Variants in ANKRD7 observed in about 807,000 individuals in gnomAD.
ANKRD7 encodes ankyrin repeat domain 7.
A neutral mutation model predicts 30.8 loss-of-function variants in ANKRD7; 30 were observed. That is an observed-to-expected ratio of 0.97 (90% CI 0.73 to 1.32). The LOEUF (loss-of-function observed/expected upper bound fraction) is 1.32, where lower values mean the gene tolerates loss of function less well. Among genes scored for constraint, ANKRD7 ranks in the 40% most tolerant of loss-of-function variants. The pLI is 0.00. For missense variants in ANKRD7, 264 were observed against 295.7 expected, an observed-to-expected ratio of 0.89 and a Z score of 0.79; for synonymous variants, 97 against 106.6, an observed-to-expected ratio of 0.91 and a Z score of 0.55.
intron 1 of ANKRD7, among the ~76,000 whole-genome samples, chr7:118,230,633 CGTGTGTGT>C (rs530818411): frequency 1.3e-4 from 19 of 147,980 alleles, no homozygotes; most frequent in Admixed American, 1.1e-3. Context: ...TCTGTTTGAA[CGTGTGTGT>C]GTGTGTGTGT....
rs771614651 is a variant in ANKRD7 at position 118,234,541 on chromosome 7, T to C, written c.290T>C (p.Ile97Thr). The change falls in exon 2 of 7, where the codon ATT (isoleucine) becomes ACT (threonine). Residue 97 changes from isoleucine (I) to threonine (T), a missense_variant. Coordinates refer to ENST00000265224, the MANE Select transcript of ANKRD7 (RefSeq NM_019644.4). ...GATAGTGAAAACAAATCCCCATTGA[T>C]TAAGGTATGCCATAGTTTTTCTTTT... is the stretch of plus-strand genomic sequence containing the variant. ...VRDSENKSPL[I>T]KAVQCQNEDC... 6.2e-7 allele frequency: 1 copy of C among 1,605,838 alleles called. No individual in the cohort carries two copies. The highest frequency in any genetic ancestry group is 8.5e-7 in the Non-Finnish European group (1 of 1,176,626).
chr7:118,235,472 C>T (rs910712988), intron 3 of ANKRD7, among the ~76,000 whole-genome samples: 6 of 151,916 alleles, frequency 3.9e-5, no homozygotes, highest in African/African-American at 1.2e-4. Flanking sequence ...ATTAGCTGGT[C>T]GTCGTGGTAG....
chr7:118,230,039 A>G (rs1331260258), intron 1 of ANKRD7, among the ~76,000 whole-genome samples: 1 of 152,106 alleles, frequency 6.6e-6, no homozygotes, highest in Non-Finnish European at 1.5e-5. Flanking sequence ...TCAAAATAAT[A>G]AGGGACATCT....
Position 118,239,975 on chromosome 7 carries a change from G to A in ANKRD7, c.*14G>A. On this transcript the variant is annotated 3_prime_UTR_variant, in exon 6 of 7. Transcript: ENST00000265224. ...CATGCTAAATAGACACCTTATTCTT[G>A]GCACTACATGTGACTAAAGGAAGGT... 6.4e-7 allele frequency: 1 copy of A among 1,568,002 alleles called. No individual in the cohort carries two copies. The highest frequency in any genetic ancestry group is 8.7e-7 in the Non-Finnish European group (1 of 1,152,400).
chr7:118,235,426 C>T (rs959316004), intron 3 of ANKRD7, among the ~76,000 whole-genome samples: 5 of 151,876 alleles, frequency 3.3e-5, no homozygotes, highest in Non-Finnish European at 7.4e-5. Context: ...TCCTGGCTAA[C>T]GTGGTGAAAC....
intron 6 of ANKRD7, among the ~76,000 whole-genome samples, chr7:118,241,027 G>A (rs1194368916): frequency 2.0e-5 from 3 of 149,866 alleles, no homozygotes; most frequent in South Asian, 4.2e-4. Context: ...GGTGGCGGGC[G>A]CCTGTAGTCC....
chr7:118,230,712 T>C, intron 1 of ANKRD7, among the ~76,000 whole-genome samples: 1 of 151,854 alleles, frequency 6.6e-6, no homozygotes, highest in African/African-American at 2.4e-5. Flanking sequence ...GACATATACT[T>C]AAATTGCTAT....
At chr7:118,240,830 A>G (rs1046344087) in intron 6 of ANKRD7, among the ~76,000 whole-genome samples, 1 of 152,158 alleles carries the variant, frequency 6.6e-6, no homozygotes, top group East Asian at 1.9e-4. Context: ...TGCATCAACT[A>G]AAATAAAATT....
chr7:118,225,106 A>T, intron 1 of ANKRD7, 97 bp downstream of exon 1: 1 of 1,359,296 alleles, frequency 7.4e-7, no homozygotes, highest in Non-Finnish European at 1.0e-6. Flanking sequence ...ACTGATTGTC[A>T]CTCCGGGTTT....
intron 1 of ANKRD7, among the ~76,000 whole-genome samples, chr7:118,226,097 G>T (rs1809535671): frequency 6.6e-6 from 1 of 152,148 alleles, no homozygotes. Flanking sequence ...ATTTAAAAGA[G>T]ACTTTGAGAA....
At chr7:118,231,592 T>G (rs546647607) in intron 1 of ANKRD7, among the ~76,000 whole-genome samples, 8 of 152,104 alleles carry the variant, frequency 5.3e-5, no homozygotes, top group Admixed American at 2.6e-4. Context: ...CATCATGAGA[T>G]TCAATTGAAG....
intron 4 of ANKRD7, 31 bp from the exon 5 acceptor site, chr7:118,236,751 GATCTTTAC>G: frequency 6.3e-7 from 1 of 1,589,604 alleles, no homozygotes; most frequent in Non-Finnish European, 8.6e-7. Flanking sequence ...GCATGTTTAA[GATCTTTAC>G]ATGGGCATTC....
chr7:118,234,254 C>G (rs10267938), intron 1 of ANKRD7, among the ~76,000 whole-genome samples, 177 bp from the exon 2 acceptor site: 1 of 151,956 alleles, frequency 6.6e-6, no homozygotes, highest in South Asian at 2.1e-4. Context: ...AACACACTTG[C>G]GCAGCCCTGA....
chr7:118,241,274 T>G (rs1053776096), intron 6 of ANKRD7, among the ~76,000 whole-genome samples: 19 of 151,672 alleles, frequency 1.3e-4, no homozygotes, highest in African/African-American at 4.3e-4. Flanking sequence ...AGAAAAACTT[T>G]TAGAACTCTC....
In ANKRD7 at chr7:118,234,531, TC is replaced by T. The variant is rs760494833; in HGVS notation, c.284del (p.Pro95HisfsTer2). ...AAATGTCCGGGATAGTGAAAACAAA[TC>T]CCCATTGATTAAGGTATGCCATAGT... ...KINVRDSENK[S>X]PLIKAVQCQN... On this transcript the variant is annotated frameshift_variant, in exon 2 of 7. Coordinates refer to ENST00000265224, the MANE Select transcript of ANKRD7 (RefSeq NM_019644.4). LOFTEE classifies it high-confidence loss of function. 2.5e-6 allele frequency: 4 copies of T among 1,610,258 alleles called. No homozygotes were observed. The East Asian group carries it at 6.7e-5, about 27-fold the overall frequency.
chr7:118,233,088 A>G (rs1272567570), intron 1 of ANKRD7, among the ~76,000 whole-genome samples: 2 of 152,170 alleles, frequency 1.3e-5, no homozygotes, highest in African/African-American at 4.8e-5. Context: ...GAAATTAGTC[A>G]TCAGAAATTT....
At chr7:118,228,833 C>T (rs1809586239) in intron 1 of ANKRD7, among the ~76,000 whole-genome samples, 1 of 152,172 alleles carries the variant, frequency 6.6e-6, no homozygotes, top group African/African-American at 2.4e-5. Flanking sequence ...TTATGTCTTA[C>T]CTAGAATTAC....
chr7:118,230,501 G>T (rs1562872233), intron 1 of ANKRD7, among the ~76,000 whole-genome samples: 1 of 138,218 alleles, frequency 7.2e-6, no homozygotes, highest in Non-Finnish European at 1.7e-5. Context: ...GGAGGGGAAA[G>T]AATTGACTGC....
At chr7:118,238,809 G>T (rs1451509124) in intron 5 of ANKRD7, among the ~76,000 whole-genome samples, 1 of 152,092 alleles carries the variant, frequency 6.6e-6, no homozygotes, top group Non-Finnish European at 1.5e-5. Flanking sequence ...TGAGTTAATT[G>T]TCTTCACTTT....
Sources: gnomAD v4.1 joint callset for allele counts (sites outside exome capture counted in the v4.1 genomes callset) on GRCh38, gnomAD v4.1.1 for gene constraint, MANE v1.5 for transcripts, NCBI Gene and HGNC (gene_info 2026-07-23, HGNC 2026-07-21) for gene names.